ZBTB38: variants seen among roughly 807,000 people sequenced by gnomAD.
ZBTB38 encodes zinc finger and BTB domain containing 38.
ZBTB38 carries 20 observed loss-of-function variants against 76.8 expected under a neutral mutation model. That is an observed-to-expected ratio of 0.26 (90% CI 0.18 to 0.38). The LOEUF is 0.38. Among genes scored for constraint, ZBTB38 ranks in the 10% least tolerant of loss-of-function variants. The probability of loss-of-function intolerance (pLI) is 1.00; values close to 1 mark genes in which losing one functional copy is unlikely to be tolerated. For synonymous variants in ZBTB38, 504 were observed against 544.2 expected (o/e 0.93, Z 1.03); for missense variants, 1,082 against 1,482.3 (o/e 0.73, Z 4.43).
chr3:141,422,730 C>G (rs550992315), intron 5 of ZBTB38, among the ~76,000 whole-genome samples: 13 of 152,078 alleles, frequency 8.5e-5, no homozygotes, highest in Non-Finnish European at 1.8e-4. Context: ...TGGGGCTGTG[C>G]GGGTGCCTTA....
At chr3:141,338,295 A>G in intron 1 of ZBTB38, among the ~76,000 whole-genome samples, 1 of 152,082 alleles carries the variant, frequency 6.6e-6, no homozygotes, top group Non-Finnish European at 1.5e-5. Context: ...ACTATACTCA[A>G]AAAAAATACC....
Position 141,448,825 on chromosome 3 carries a change from C to T in ZBTB38, c.*2849C>T, listed in dbSNP as rs1577597659. On this transcript the variant is annotated 3_prime_UTR_variant, in exon 6 of 6. Coordinates refer to ENST00000321464, the MANE Select transcript of ZBTB38 (RefSeq NM_001376113.1). ...TCTGTTTCCTTACTTGTTTACATTC[C>T]GTGGTACCTACTTACATGCTTAGGA... 6.6e-6 allele frequency: 1 copy of T among 152,206 alleles called. No individual in the cohort carries two copies. Among genetic ancestry groups the T allele is most frequent in the South Asian group, 2.1e-4 (1 of 4,828 alleles). 9.4% of individuals were successfully genotyped at this position (152,206 alleles called of 1,614,324 possible). A position where few individuals can be genotyped will look rare whatever the true frequency, so the allele number is the denominator to read the frequency against.
At position 141,377,161 on chromosome 3, in the gene ZBTB38, C is replaced by T. The variant is rs192094838; in HGVS notation, c.-234-4264C>T. On this transcript the variant is annotated intron_variant, in intron 2 of 5. Coordinates refer to ENST00000321464, the MANE Select transcript of ZBTB38 (RefSeq NM_001376113.1). ...CAAGAGGCACTGCCTCAAAGAGGCC[C>T]AGCATCCCCAGATAGCAATGTCCCA... 2.4e-3 allele frequency among the ~76,000 whole-genome samples: 369 copies of T among 152,326 alleles called. 2 individuals carry two copies. The highest frequency in any genetic ancestry group is 7.7e-3 in the South Asian group (37 of 4,820).
chr3:141,441,199 T>C (rs1417621000), intron 5 of ZBTB38, among the ~76,000 whole-genome samples: 1 of 152,180 alleles, frequency 6.6e-6, no homozygotes, highest in African/African-American at 2.4e-5. Flanking sequence ...TACTTTTCAC[T>C]GCCCCTCACT....
intron 1 of ZBTB38, among the ~76,000 whole-genome samples, chr3:141,346,904 C>T (rs1943380030): frequency 6.6e-6 from 1 of 151,764 alleles, no homozygotes; most frequent in South Asian, 2.1e-4. Context: ...GCACTGTCTA[C>T]TACGAATGTT....
chr3:141,396,197 GTCCTTGC>G (rs1283653409), intron 4 of ZBTB38: 1 of 152,184 alleles, frequency 6.6e-6, no homozygotes, highest in Non-Finnish European at 1.5e-5. Flanking sequence ...CTGAAACTTT[GTCCTTGC>G]TTCATCAACT....
upstream of ZBTB38, chr3:141,368,202 G>T (rs949666131): frequency 6.6e-6 from 1 of 152,478 alleles, no homozygotes; most frequent in African/African-American, 2.4e-5. Context: ...CTCTGACAGA[G>T]CACGGCCATG....
At chr3:141,392,395 C>T (rs1433136536) in intron 4 of ZBTB38, among the ~76,000 whole-genome samples, 1 of 152,164 alleles carries the variant, frequency 6.6e-6, no homozygotes, top group East Asian at 1.9e-4. Context: ...TGACATAGTC[C>T]CCCTATGAAA....
intron 5 of ZBTB38, among the ~76,000 whole-genome samples, chr3:141,424,125 T>G (rs2075953011): frequency 6.6e-6 from 1 of 152,232 alleles, no homozygotes; most frequent in African/African-American, 2.4e-5. Flanking sequence ...TAATGGAAAT[T>G]TATTGATGAT....
At chr3:141,371,333 G>A (rs1944578023) in intron 2 of ZBTB38, among the ~76,000 whole-genome samples, 1 of 151,416 alleles carries the variant, frequency 6.6e-6, no homozygotes, top group Non-Finnish European at 1.5e-5. Context: ...TTACAGACAT[G>A]AGCCATAGCG....
chr3:141,357,994 T>C (rs1262006312), intron 1 of ZBTB38, among the ~76,000 whole-genome samples: 3 of 152,184 alleles, frequency 2.0e-5, no homozygotes, highest in Non-Finnish European at 4.4e-5. Context: ...ATAAAGATCA[T>C]ACACTCTAGT....
At chr3:141,346,089 A>C (rs1943344285) in intron 1 of ZBTB38, among the ~76,000 whole-genome samples, 1 of 151,932 alleles carries the variant, frequency 6.6e-6, no homozygotes, top group Non-Finnish European at 1.5e-5. Context: ...TAAAGCAATC[A>C]CCTCTCTCTG....
intron 2 of ZBTB38, among the ~76,000 whole-genome samples, chr3:141,372,907 C>A (rs1423700564): frequency 6.6e-6 from 1 of 152,178 alleles, no homozygotes; most frequent in African/African-American, 2.4e-5. Flanking sequence ...TCTGTTATGA[C>A]TCCTCAAAGC....
rs186647615 is a variant in ZBTB38, at chr3:141,362,876, G to C, written c.-738-5745G>C. 6.6e-4 allele frequency among the ~76,000 whole-genome samples: 101 copies of C among 152,184 alleles called. No individual in the cohort carries two copies. In the East Asian group the frequency reaches 9.1e-3, roughly 14 times the overall value. On this transcript the variant is annotated intron_variant, in intron 1 of 7. Coordinates refer to the ZBTB38 transcript ENST00000509842. Reference sequence around the variant, plus strand: ...TTTGGTGACTAGACTGGGTTTCTTGGGCTGCAACCCTGCCCCCCACCCCAA... The same window carrying C: ...TTTGGTGACTAGACTGGGTTTCTTGCGCTGCAACCCTGCCCCCCACCCCAA...
At chr3:141,359,427 T>C (rs1943757163) in intron 1 of ZBTB38, among the ~76,000 whole-genome samples, 1 of 152,172 alleles carries the variant, frequency 6.6e-6, no homozygotes, top group Admixed American at 6.5e-5. Flanking sequence ...CTATCTGCCA[T>C]TGTCAGCCCC....
At position 141,431,310 on chromosome 3, in the gene ZBTB38, C is replaced by T. The variant is rs552060753; in HGVS notation, c.1-11079C>T. Among the ~76,000 whole-genome samples, 43 of 109,330 alleles carry T rather than the reference C, an allele frequency of 3.9e-4. 1 individual carries two copies. Among genetic ancestry groups the T allele is most frequent in the Non-Finnish European group, 6.9e-4 (40 of 58,340 alleles). 71.7% of individuals were successfully genotyped at this position (109,330 alleles called of 152,430 possible). A position where few individuals can be genotyped will look rare whatever the true frequency, so the allele number is the denominator to read the frequency against. On this transcript the variant is annotated intron_variant, in intron 5 of 5. Transcript: ENST00000321464. ...TGCACTCCAGCCTGGGGGACAAGAG[C>T]GAGACTTCGTCTCAAAAAAAAAAAA...
At chr3:141,437,038 C>T (rs563106888) in intron 5 of ZBTB38, among the ~76,000 whole-genome samples, 3 of 152,254 alleles carry the variant, frequency 2.0e-5, no homozygotes, top group African/African-American at 7.2e-5. Context: ...GATAACTGTG[C>T]TCTAAAGACA....
intron 1 of ZBTB38, among the ~76,000 whole-genome samples, chr3:141,358,036 A>C (rs1249497517): frequency 6.6e-6 from 1 of 152,156 alleles, no homozygotes; most frequent in Non-Finnish European, 1.5e-5. Context: ...ACATAATCCA[A>C]ATTTTCTAAA....
chr3:141,332,514 C>T (rs951425205), intron 1 of ZBTB38, among the ~76,000 whole-genome samples: 4 of 152,218 alleles, frequency 2.6e-5, no homozygotes, highest in Non-Finnish European at 5.9e-5. Flanking sequence ...GGCTCTCACC[C>T]GGCCACCTCT....
Sources: gnomAD v4.1 joint callset for allele counts (sites outside exome capture counted in the v4.1 genomes callset) on GRCh38, gnomAD v4.1.1 for gene constraint, MANE v1.5 for transcripts, NCBI Gene and HGNC (gene_info 2026-07-23, HGNC 2026-07-21) for gene names.